NDUFAF6: variants seen among roughly 807,000 people sequenced by gnomAD.
The protein encoded by NDUFAF6 is NADH dehydrogenase (ubiquinone) complex I, assembly factor 6.
A neutral mutation model predicts 40.8 loss-of-function variants in NDUFAF6; 45 were observed. The ratio of observed to expected loss-of-function variants is 1.10; its 90% CI spans 0.87 to 1.42. The LOEUF (loss-of-function observed/expected upper bound fraction) is 1.42, where lower values mean the gene tolerates loss of function less well. Among genes scored for constraint, NDUFAF6 ranks in the 40% most tolerant of loss-of-function variants. The pLI is 0.00. For synonymous variants in NDUFAF6, 185 were observed against 155.9 expected (o/e 1.19, Z -1.39); for missense variants, 435 against 418.5 (o/e 1.04, Z -0.34).
chr8:94,913,798 CTT>C (rs1211755367), intron 1 of NDUFAF6, among the ~76,000 whole-genome samples: 2 of 151,994 alleles, frequency 1.3e-5, no homozygotes, highest in Admixed American at 6.6e-5. Context: ...GACCTTGTCT[CTT>C]TTTTTTCTCG....
chr8:95,081,895 A>C (rs940950934), intron 2 of NDUFAF6, among the ~76,000 whole-genome samples: 14 of 151,548 alleles, frequency 9.2e-5, no homozygotes, highest in African/African-American at 3.1e-4. Context: ...CCCCATCTGT[A>C]CTAAAAAATC....
intron 1 of NDUFAF6, among the ~76,000 whole-genome samples, chr8:94,942,928 G>C (rs1821682690): frequency 6.6e-6 from 1 of 152,222 alleles, no homozygotes; most frequent in Admixed American, 6.5e-5. Flanking sequence ...TGTAAGCCTG[G>C]AAAAGGGGAA....
intron 1 of NDUFAF6, among the ~76,000 whole-genome samples, chr8:94,966,565 G>A (rs1824029080): frequency 6.6e-6 from 1 of 152,162 alleles, no homozygotes; most frequent in Non-Finnish European, 1.5e-5. Flanking sequence ...CTGCACTCCA[G>A]CCTGGGTGAC....
chr8:94,953,277 G>A (rs957068831), upstream of NDUFAF6, among the ~76,000 whole-genome samples: 1 of 151,884 alleles, frequency 6.6e-6, no homozygotes, highest in African/African-American at 2.4e-5. Context: ...AACCGGGGAG[G>A]CGGAGGTTGC....
intron 1 of NDUFAF6, among the ~76,000 whole-genome samples, chr8:94,899,946 C>T (rs1049926302): frequency 4.6e-5 from 7 of 152,210 alleles, no homozygotes; most frequent in Non-Finnish European, 8.8e-5. Flanking sequence ...CTGTCCACAT[C>T]CCCTGTCCTT....
At chr8:95,078,234 T>G (rs919502646), downstream of NDUFAF6, among the ~76,000 whole-genome samples, 2 of 152,152 alleles carry the variant, frequency 1.3e-5, no homozygotes, top group African/African-American at 4.8e-5. Context: ...GCAGCTGATA[T>G]GCTTGCATGC....
At chr8:95,053,925 C>CAT (rs1303676012) in intron 8 of NDUFAF6, among the ~76,000 whole-genome samples, 1 of 37,016 alleles carries the variant, frequency 2.7e-5, no homozygotes, top group Non-Finnish European at 5.0e-5. Flanking sequence ...CCGTGCCCGG[C>CAT]TTTTTTTTTT....
intron 9 of NDUFAF6, among the ~76,000 whole-genome samples, chr8:95,071,492 C>T (rs1448841926): frequency 2.6e-5 from 4 of 151,924 alleles, no homozygotes; most frequent in Admixed American, 1.3e-4. Flanking sequence ...ACCACCCCCA[C>T]AGGCTGTCCT....
chr8:94,985,735 T>C (rs1259034534), intron 2 of NDUFAF6, among the ~76,000 whole-genome samples: 47 of 150,172 alleles, frequency 3.1e-4, no homozygotes, highest in African/African-American at 1.1e-3. Flanking sequence ...AGGGTTTCAC[T>C]ATGTTGGCCA....
chr8:95,109,889 T>C (rs1010131471), intron 4 of NDUFAF6, among the ~76,000 whole-genome samples: 2 of 152,262 alleles, frequency 1.3e-5, no homozygotes, highest in Admixed American at 1.3e-4. Flanking sequence ...TGGAATACTT[T>C]GCTACACTTA....
At chr8:95,074,374 C>G (rs925620214) in intron 9 of NDUFAF6, among the ~76,000 whole-genome samples, 2 of 152,066 alleles carry the variant, frequency 1.3e-5, no homozygotes, top group Non-Finnish European at 2.9e-5. Context: ...CTCGTGTGCT[C>G]TCATGCTTAA....
intron 1 of NDUFAF6, among the ~76,000 whole-genome samples, chr8:94,901,811 C>T (rs1289793200): frequency 3.9e-5 from 6 of 152,172 alleles, no homozygotes; most frequent in Non-Finnish European, 5.9e-5. Context: ...TCTCCAACTC[C>T]TGGCCTCAAG....
intron 4 of NDUFAF6, among the ~76,000 whole-genome samples, chr8:95,109,896 C>G (rs16917346): frequency 0.031 from 4,766 of 152,284 alleles, 214 homozygotes; most frequent in African/African-American, 0.1. Flanking sequence ...CTTTGCTACA[C>G]TTACAAAAAA....
In NDUFAF6 at chr8:94,987,426, C is replaced by T. The variant is rs76477637; in HGVS notation, c.-84+6453C>T. Among the ~76,000 whole-genome samples the T allele has an allele frequency of 6.1e-3, 922 of 152,286 alleles. 7 individuals carry two copies. The highest frequency in any genetic ancestry group is 0.021 in the African/African-American group (881 of 41,552). ...TTAATGGAATAAACACTCTTCCCTC[C>T]TCTCCCTTGGGGCTCCTTCCCCCAA... On this transcript the variant is annotated intron_variant, in intron 2 of 9. Coordinates refer to the NDUFAF6 transcript ENST00000396111.
intron 1 of NDUFAF6, among the ~76,000 whole-genome samples, chr8:94,934,354 C>G (rs1008164394): frequency 6.6e-6 from 1 of 151,836 alleles, no homozygotes; most frequent in Non-Finnish European, 1.5e-5. Context: ...ATATAAATGC[C>G]AGTAAGTTTA....
At chr8:94,929,963 A>G (rs1820232719) in intron 1 of NDUFAF6, 1 of 153,332 alleles carries the variant, frequency 6.5e-6, no homozygotes, top group Non-Finnish European at 1.5e-5. Context: ...AAGTCCAGCC[A>G]TAATTCCATT....
chr8:94,973,380 G>A (rs543841454), intron 1 of NDUFAF6, among the ~76,000 whole-genome samples: 1 of 152,294 alleles, frequency 6.6e-6, no homozygotes, highest in Non-Finnish European at 1.5e-5. Context: ...TCCCCCATGA[G>A]GACATAGTGA....
chr8:95,004,037 G>A (rs774815718), intron 2 of NDUFAF6, among the ~76,000 whole-genome samples: 1 of 152,174 alleles, frequency 6.6e-6, no homozygotes, highest in Non-Finnish European at 1.5e-5. Flanking sequence ...AACGAGTAGA[G>A]AGAGTGCTGG....
chr8:95,065,713 C>T (rs1832686457), intron 9 of NDUFAF6, among the ~76,000 whole-genome samples: 1 of 132,066 alleles, frequency 7.6e-6, no homozygotes, highest in African/African-American at 2.5e-5. Context: ...ATGGAATATT[C>T]TCTGAAAAGC....
Sources: allele counts gnomAD v4.1 joint callset (sites outside exome capture counted in the v4.1 genomes callset), GRCh38; gene constraint gnomAD v4.1.1; transcripts MANE v1.5; gene names NCBI Gene and HGNC (gene_info 2026-07-23, HGNC 2026-07-21).